Variants in FAM13C observed in about 807,000 individuals in gnomAD.
FAM13C encodes the protein protein FAM13C.
In FAM13C, 37 loss-of-function variants were observed where a neutral mutation model predicts 73.2. The ratio of observed to expected loss-of-function variants is 0.51; its 90% CI spans 0.39 to 0.67. The LOEUF is 0.67. Ranked by LOEUF, FAM13C falls within the 30% of genes least tolerant of loss-of-function variation. FAM13C has a pLI of 0.00. For missense variants in FAM13C, 589 were observed against 715.6 expected (o/e 0.82, Z 2.02); for synonymous variants, 246 against 260.9 (o/e 0.94, Z 0.55).
intron 5 of FAM13C, among the ~76,000 whole-genome samples, chr10:59,299,856 A>C (rs1293636926): frequency 6.6e-6 from 1 of 152,128 alleles, no homozygotes. Flanking sequence ...AGGGAGATTT[A>C]ATCAGTTTTT....
chr10:59,282,887 T>C (rs1473124493), intron 6 of FAM13C: 1 of 157,482 alleles, frequency 6.3e-6, no homozygotes, highest in Non-Finnish European at 1.4e-5. Flanking sequence ...GAGCTGTCAG[T>C]GGACCACTCA....
intron 4 of FAM13C, 98 bp from the exon 5 acceptor site, chr10:59,302,962 A>G: frequency 9.4e-7 from 1 of 1,066,048 alleles, no homozygotes; most frequent in Non-Finnish European, 1.4e-6. Context: ...ACCCCTGATA[A>G]AAACCCTTGG....
At chr10:59,329,953 A>G (rs956741801) in intron 3 of FAM13C, among the ~76,000 whole-genome samples, 1 of 152,204 alleles carries the variant, frequency 6.6e-6, no homozygotes, top group African/African-American at 2.4e-5. Context: ...CCTTTTATAC[A>G]TGAGGTGCCT....
intron 6 of FAM13C, among the ~76,000 whole-genome samples, chr10:59,274,485 G>A (rs182690828): frequency 2.6e-4 from 39 of 152,272 alleles, no homozygotes; most frequent in Admixed American, 2.2e-3. Flanking sequence ...AGCACTCCAA[G>A]CAGTCTTATG....
chr10:59,318,355 G>A (rs1849786531), intron 4 of FAM13C, among the ~76,000 whole-genome samples: 1 of 151,974 alleles, frequency 6.6e-6, no homozygotes. Context: ...TCACGGACTG[G>A]GTGTGGGATT....
intron 11 of FAM13C, among the ~76,000 whole-genome samples, chr10:59,253,424 C>T (rs567416158): frequency 1.2e-4 from 19 of 152,156 alleles, no homozygotes; most frequent in Admixed American, 7.9e-4. Flanking sequence ...AAGTCAGGTC[C>T]CAGTGGGGAC....
chr10:59,320,471 A>G (rs998245895), intron 4 of FAM13C, among the ~76,000 whole-genome samples: 1 of 152,216 alleles, frequency 6.6e-6, no homozygotes, highest in Non-Finnish European at 1.5e-5. Context: ...GGAAATCAGA[A>G]GAGCAAGCCA....
chr10:59,352,147 G>T, intron 3 of FAM13C, 123 bp downstream of exon 3: 8 of 1,068,572 alleles, frequency 7.5e-6, no homozygotes, highest in Non-Finnish European at 1.1e-5. Flanking sequence ...GGCAGAGCAC[G>T]CAATGACAAG....
chr10:59,320,249 T>C (rs1414842525), intron 4 of FAM13C, among the ~76,000 whole-genome samples: 4 of 152,296 alleles, frequency 2.6e-5, no homozygotes, highest in African/African-American at 9.6e-5. Context: ...GATTTTAAAA[T>C]GTTGATTCAA....
At chr10:59,293,069 C>CTTTTTTTTTTTTTTTTTTTT (rs148715812) in intron 5 of FAM13C, among the ~76,000 whole-genome samples, 1 of 109,538 alleles carries the variant, frequency 9.1e-6, no homozygotes, top group Non-Finnish European at 1.7e-5. Flanking sequence ...TTTTCTTTTT[C>CTTTTTTTTTTTTTTTTTTTT]TTTTTTTTTT....
intron 10 of FAM13C, among the ~76,000 whole-genome samples, chr10:59,259,566 A>C (rs532368124): frequency 3.9e-5 from 6 of 152,152 alleles, no homozygotes; most frequent in Admixed American, 1.3e-4. Context: ...TACTATATTA[A>C]GCTTTCTCAA....
At chr10:59,251,383 A>G (rs909834841) in intron 13 of FAM13C, 192 bp downstream of exon 13, 9 of 588,002 alleles carry the variant, frequency 1.5e-5, no homozygotes, top group Non-Finnish European at 2.7e-5. Flanking sequence ...CCTGACAGCT[A>G]CCATGTCCCA....
intron 5 of FAM13C, among the ~76,000 whole-genome samples, chr10:59,292,763 T>C (rs1220100959): frequency 6.6e-6 from 1 of 152,206 alleles, no homozygotes. Flanking sequence ...ACACGGTGAG[T>C]TTTGATACAT....
At chr10:59,288,957 A>G (rs1845894425) in intron 5 of FAM13C, among the ~76,000 whole-genome samples, 1 of 152,186 alleles carries the variant, frequency 6.6e-6, no homozygotes, top group African/African-American at 2.4e-5. Context: ...CTGAGGATCA[A>G]GGAACCCATG....
intron 13 of FAM13C, among the ~76,000 whole-genome samples, chr10:59,250,511 G>A (rs1326215933): frequency 6.6e-6 from 1 of 152,180 alleles, no homozygotes; most frequent in East Asian, 1.9e-4. Flanking sequence ...AATAGGTCCA[G>A]TCCTAAAGAA....
At chr10:59,358,633 T>C (rs1212279599) in intron 1 of FAM13C, among the ~76,000 whole-genome samples, 1 of 152,240 alleles carries the variant, frequency 6.6e-6, no homozygotes, top group Non-Finnish European at 1.5e-5. Context: ...AGCAGAGCTT[T>C]GGAGCTTCAA....
intron 3 of FAM13C, among the ~76,000 whole-genome samples, chr10:59,330,018 A>T (rs531051536): frequency 3.9e-5 from 6 of 152,186 alleles, no homozygotes; most frequent in Non-Finnish European, 8.8e-5. Context: ...GACTATTCTC[A>T]TGACAGCGGA....
intron 4 of FAM13C, among the ~76,000 whole-genome samples, chr10:59,321,507 T>C (rs1412955558): frequency 7.2e-6 from 1 of 139,722 alleles, no homozygotes; most frequent in Non-Finnish European, 1.5e-5. Context: ...AACTATGAGA[T>C]AATAAATTTG....
At chr10:59,249,705 C>A (rs1841183691) in intron 13 of FAM13C, among the ~76,000 whole-genome samples, 1 of 151,408 alleles carries the variant, frequency 6.6e-6, no homozygotes, top group South Asian at 2.1e-4. Context: ...AAATTAAGGT[C>A]CATATTTCCT....
Sources: gnomAD v4.1 joint callset for allele counts (sites outside exome capture counted in the v4.1 genomes callset) on GRCh38, gnomAD v4.1.1 for gene constraint, MANE v1.5 for transcripts, NCBI Gene and HGNC (gene_info 2026-07-23, HGNC 2026-07-21) for gene names.